Variants in NOTCH2 observed in about 807,000 individuals in gnomAD.
NOTCH2 encodes neurogenic locus notch homolog protein 2.
NOTCH2 carries 29 observed loss-of-function variants against 235.8 expected under a neutral mutation model. The observed-to-expected ratio is 0.12, with a 90% CI of 0.09 to 0.17. NOTCH2 has a LOEUF of 0.17. NOTCH2 is among the 10% of genes least tolerant of loss of function. The pLI, the probability that NOTCH2 is intolerant of heterozygous loss-of-function variation, is 1.00. For synonymous variants in NOTCH2, 1,086 were observed against 1,141.5 expected, an observed-to-expected ratio of 0.95 and a Z score of 0.98; for missense variants, 2,285 against 3,150.2, an observed-to-expected ratio of 0.73 and a Z score of 6.57.
In NOTCH2 at chr1:119,937,968, C is replaced by T; in HGVS notation, c.3226G>A (p.Gly1076Ser). ...TCTGCTTTTTTCTGAACGCAAGTACCTTTGTTTTTACATGGAGACCGACTG... is the reference window on the plus strand; with the variant it reads ...TCTGCTTTTTTCTGAACGCAAGTACTTTTGTTTTTACATGGAGACCGACTG... ...LCSRSPCKNK[G>S]TCVQKKAESQ... The change falls in exon 20 of 34, where the codon GGT (glycine) becomes AGT (serine). Residue 1076 changes from glycine (G) to serine (S), a missense_variant. By Grantham distance (56) the Gly-to-Ser change is moderately conservative. Transcript: ENST00000256646. 1 of 1,614,178 alleles carries T rather than the reference C, an allele frequency of 6.2e-7. No individual in the cohort carries two copies. The highest frequency in any genetic ancestry group is 8.5e-7 in the Non-Finnish European group (1 of 1,180,038).
chr1:119,976,459 T>A (rs1226193893), intron 5 of NOTCH2: 6 of 151,294 alleles, frequency 4.0e-5, no homozygotes, highest in Admixed American at 3.3e-4. Context: ...GGAGTATAGA[T>A]GTGGCTAAGG....
intron 11 of NOTCH2, among the ~76,000 whole-genome samples, chr1:119,960,488 TC>T (rs1650894936): frequency 2.0e-5 from 3 of 150,988 alleles, no homozygotes; most frequent in African/African-American, 7.3e-5. Context: ...CACAAATATC[TC>T]TTTACAAATA....
chr1:119,919,164 T>C, intron 31 of NOTCH2, 148 bp downstream of exon 31: 1 of 908,578 alleles, frequency 1.1e-6, no homozygotes, highest in African/African-American at 1.6e-5. Flanking sequence ...CTTTTCCCAC[T>C]TTCCCATCTA....
intron 19 of NOTCH2, 139 bp from the exon 20 acceptor site, chr1:119,938,149 C>T (rs1649927769): frequency 2.2e-6 from 2 of 911,020 alleles, no homozygotes; most frequent in African/African-American, 1.7e-5. Context: ...TAAAAGAGCC[C>T]TTAAACTAGA....
intron 1 of NOTCH2, among the ~76,000 whole-genome samples, chr1:120,042,689 T>C (rs1654624234): frequency 6.7e-6 from 1 of 149,300 alleles, no homozygotes. Flanking sequence ...ACTGAAAATA[T>C]TAAAACCAAT....
At position 119,927,896 on chromosome 1, in the gene NOTCH2, G is replaced by A. The variant is rs114811462; in HGVS notation, c.3892+1080C>T. Among the ~76,000 whole-genome samples, 358 of 152,256 alleles carry A rather than the reference G, an allele frequency of 2.4e-3. 4 individuals are homozygous for A. The highest frequency in any genetic ancestry group is 8.5e-3 in the African/African-American group (353 of 41,540). On this transcript the variant is annotated intron_variant, in intron 23 of 33. Coordinates refer to ENST00000256646, the MANE Select transcript of NOTCH2 (RefSeq NM_024408.4). ...CTTTACAAAATTCCAAGATTGTAAG[G>A]TAGCATATCTTTAAAGTTGGAAGGA...
intron 5 of NOTCH2, among the ~76,000 whole-genome samples, chr1:119,983,800 T>C (rs1553201930): frequency 6.6e-6 from 1 of 152,208 alleles, no homozygotes; most frequent in South Asian, 2.1e-4. Context: ...TATGTATATG[T>C]AGTTACAAAA....
chr1:119,914,358 CCT>C lies in NOTCH2; in HGVS notation c.*946_*947del, dbSNP rs992725091. The C allele has an allele frequency of 4.3e-6, 1 of 232,952 alleles. No individual in the cohort carries two copies. The highest frequency in any genetic ancestry group is 2.2e-5 in the African/African-American group (1 of 45,310). The allele number at this position is 232,952 out of a possible 1,614,324, so 14.4% of individuals were successfully genotyped here. On this transcript the variant is annotated 3_prime_UTR_variant, in exon 34 of 34. Coordinates refer to ENST00000256646, the MANE Select transcript of NOTCH2 (RefSeq NM_024408.4). ...CTCTTGGTCATTCCAACATTCCAAACCTTTTTCTGGTTTTAAAAAAGTGGGGA... is the reference window on the plus strand; with the variant it reads ...CTCTTGGTCATTCCAACATTCCAAACTTTTCTGGTTTTAAAAAAGTGGGGA...
intron 23 of NOTCH2, among the ~76,000 whole-genome samples, chr1:119,928,192 T>G (rs587680384): frequency 6.6e-6 from 1 of 152,256 alleles, no homozygotes; most frequent in South Asian, 2.1e-4. Flanking sequence ...AGACCCCTAT[T>G]CTGAGGCAGA....
chr1:119,979,890 A>C (rs587640053), intron 5 of NOTCH2, among the ~76,000 whole-genome samples: 1 of 152,302 alleles, frequency 6.6e-6, no homozygotes, highest in South Asian at 2.1e-4. Context: ...ATACATTCTA[A>C]TTTCTGACAT....
rs1553217940 is a variant in NOTCH2, at chr1:120,069,389, G to T, written c.18C>A (p.Pro6=). 1.3e-6 allele frequency: 2 copies of T among 1,553,948 alleles called. No individual in the cohort carries two copies. The highest frequency in any genetic ancestry group is 2.4e-5 in the East Asian group (1 of 42,030). Residue 6 remains proline (P), a synonymous_variant, in exon 1 of 34, where the codon CCC becomes CCA. Transcript: ENST00000256646. Reference sequence around the variant, plus strand: ...GCGCCAGCAGCGCCCACAGCAGAGCGGGGCGCAGGGCGGGCATCTTCTCGG... The same window carrying T: ...GCGCCAGCAGCGCCCACAGCAGAGCTGGGCGCAGGGCGGGCATCTTCTCGG... MPALR[P]ALLWALLALW...
intron 14 of NOTCH2, among the ~76,000 whole-genome samples, chr1:119,953,068 T>C (rs1162901148): frequency 6.6e-6 from 1 of 152,154 alleles, no homozygotes; most frequent in African/African-American, 2.4e-5. Context: ...TCCCAGCACT[T>C]TGAGAGGCCG....
chr1:119,994,403 C>T (rs1206451391), intron 4 of NOTCH2: 1 of 105,074 alleles, frequency 9.5e-6, no homozygotes, highest in African/African-American at 4.3e-5. Flanking sequence ...GTTTTGAATT[C>T]TCTTTAAATT....
At chr1:119,949,893 A>G (rs782320434) in intron 15 of NOTCH2, among the ~76,000 whole-genome samples, 7 of 152,188 alleles carry the variant, frequency 4.6e-5, no homozygotes, top group Non-Finnish European at 7.3e-5. Context: ...GTTATTGTCT[A>G]TGTTTGTGTT....
intron 5 of NOTCH2, among the ~76,000 whole-genome samples, chr1:119,984,253 A>G (rs1247309073): frequency 6.6e-6 from 1 of 152,160 alleles, no homozygotes; most frequent in Non-Finnish European, 1.5e-5. Flanking sequence ...TCTTAAAATA[A>G]AACAAGATAA....
chr1:119,968,252 A>G lies in NOTCH2; in HGVS notation c.1109-20T>C. The G allele has an allele frequency of 1.9e-6, 3 of 1,612,610 alleles. No homozygotes were observed. The highest frequency in any genetic ancestry group is 2.5e-6 in the Non-Finnish European group (3 of 1,179,508). Reference sequence around the variant, plus strand: ...GGAGACCTGTCACAGGGTGGGGCAAAGGACAACTAAGAGAAAATGTCTCTC... The same window carrying G: ...GGAGACCTGTCACAGGGTGGGGCAAGGGACAACTAAGAGAAAATGTCTCTC... On this transcript the variant is annotated intron_variant, in intron 6 of 33. Coordinates refer to ENST00000256646, the MANE Select transcript of NOTCH2 (RefSeq NM_024408.4).
intron 1 of NOTCH2, among the ~76,000 whole-genome samples, chr1:120,045,737 T>G (rs1654760088): frequency 6.6e-6 from 1 of 152,282 alleles, no homozygotes; most frequent in Non-Finnish European, 1.5e-5. Flanking sequence ...AAATTTTAAC[T>G]CAAAAATTAT....
chr1:119,935,345 G>T (rs1338917088), intron 22 of NOTCH2, 127 bp downstream of exon 22: 1 of 1,605,132 alleles, frequency 6.2e-7, no homozygotes, highest in Non-Finnish European at 8.5e-7. Flanking sequence ...CTAGGATGTA[G>T]AACTAAATGC....
rs141369184 is a variant in NOTCH2 at position 119,915,227 on chromosome 1, C to T, written c.*79G>A. Reference sequence around the variant, plus strand: ...GCTGGCTCCAGAGATTTCTTCATTTCTCTCCCGGATGACCTTCATTTGTTC... The same window carrying T: ...GCTGGCTCCAGAGATTTCTTCATTTTTCTCCCGGATGACCTTCATTTGTTC... On this transcript the variant is annotated 3_prime_UTR_variant, in exon 34 of 34. Transcript: ENST00000256646. 1.6e-3 allele frequency: 2,323 copies of T among 1,437,690 alleles called. 5 individuals carry two copies. The highest frequency in any genetic ancestry group is 1.9e-3 in the Non-Finnish European group (2,004 of 1,028,430). 89.1% of individuals were successfully genotyped at this position (1,437,690 alleles called of 1,614,324 possible).
Sources: gnomAD v4.1 joint callset for allele counts (sites outside exome capture counted in the v4.1 genomes callset) on GRCh38, gnomAD v4.1.1 for gene constraint, MANE v1.5 for transcripts, NCBI Gene and HGNC (gene_info 2026-07-23, HGNC 2026-07-21) for gene names.